PCSK4: variants seen among roughly 807,000 people sequenced by gnomAD.
The protein encoded by PCSK4 is testicular tissue protein Li 135.
Under a neutral mutation model 80.3 loss-of-function variants are expected in PCSK4, and 64 were observed. The ratio of observed to expected loss-of-function variants is 0.80; its 90% CI spans 0.65 to 0.98. The LOEUF is 0.98. PCSK4 is among the 50% of genes least tolerant of loss of function. PCSK4 has a pLI of 0.00. For missense variants in PCSK4, 1,213 were observed against 1,093.6 expected, an observed-to-expected ratio of 1.11 and a Z score of -1.54; for synonymous variants, 561 against 487.6, an observed-to-expected ratio of 1.15 and a Z score of -1.98.
intron 8 of PCSK4, 24 bp from the exon 9 acceptor site, chr19:1,484,151 T>C (rs770876738): frequency 3.0e-6 from 4 of 1,339,072 alleles, no homozygotes. Flanking sequence ...GGGGTGGGAC[T>C]CGGGGGGCCG....
chr19:1,485,850 G>A (rs1005680536), intron 8 of PCSK4, among the ~76,000 whole-genome samples: 10 of 152,108 alleles, frequency 6.6e-5, no homozygotes, highest in Non-Finnish European at 8.8e-5. Flanking sequence ...CAGCCTGGAC[G>A]ACAGAGCCAG....
chr19:1,484,040 C>A (rs763260265), exon 9 of PCSK4: 11 of 1,550,210 alleles, frequency 7.1e-6, no homozygotes, highest in Non-Finnish European at 9.6e-6. Context: ...GCCTCCAGCG[C>A]TAGGGCGATC....
At chr19:1,487,028 G>C in exon 8 of PCSK4, 1 of 1,608,098 alleles carries the variant, frequency 6.2e-7, no homozygotes, top group Non-Finnish European at 8.5e-7. Context: ...GCCGTTGCCC[G>C]AGGCCCAGAT....
chr19:1,483,844 G>T, exon 10 of PCSK4: 2 of 1,491,792 alleles, frequency 1.3e-6, no homozygotes, highest in Admixed American at 2.3e-5. Context: ...GCACCTTGGC[G>T]CCCCACGCCG....
At chr19:1,487,820 G>T in exon 5 of PCSK4, 1 of 1,573,352 alleles carries the variant, frequency 6.4e-7, no homozygotes, top group Admixed American at 1.8e-5. Flanking sequence ...GGGGCTGGGG[G>T]TCCGGGTCGT....
exon 12 of PCSK4, chr19:1,483,336 C>T: frequency 1.9e-6 from 3 of 1,610,150 alleles, no homozygotes; most frequent in Non-Finnish European, 1.7e-6. Flanking sequence ...AGCGAGATCT[C>T]CAGGTCTCCG....
exon 7 of PCSK4, chr19:1,487,228 G>A (rs1478404749): frequency 2.4e-5 from 39 of 1,606,932 alleles, no homozygotes; most frequent in Middle Eastern, 1.6e-4. Flanking sequence ...CCCAGCTGGC[G>A]CTGTAAATGT....
chr19:1,488,144 C>T (rs1364215330), intron 3 of PCSK4, 44 bp downstream of exon 3: 2 of 1,613,186 alleles, frequency 1.2e-6, no homozygotes, highest in African/African-American at 1.3e-5. Flanking sequence ...GTTGAGGGCG[C>T]CAGCGGCCCC....
rs1340318793 is a variant in PCSK4, at chr19:1,487,077, G to A, written c.856-12C>T. 1.2e-6 allele frequency: 2 copies of A among 1,602,580 alleles called. No homozygotes were observed. Among genetic ancestry groups the A allele is most frequent in the Admixed American group, 1.7e-5 (1 of 59,874 alleles). On this transcript the variant is annotated splice_polypyrimidine_tract_variant and intron_variant, in intron 7 of 14. Transcript: ENST00000300954. Reference sequence around the variant, plus strand: ...AGCCCGCCGCGGCCCTGGGAAACCAGGAGGGGCGGGGAGGGGGCGTCGGCC... The same window carrying A: ...AGCCCGCCGCGGCCCTGGGAAACCAAGAGGGGCGGGGAGGGGGCGTCGGCC...
rs769976285 is a variant in PCSK4 at position 1,482,028 on chromosome 19, A to C, written c.1999T>G (p.Cys667Gly). ...GTGGAGGATGGGGGACAGGAGGTGCAGTCCCTCGGGGAGCCGCCGCGGCAG... is the reference window on the plus strand; with the variant it reads ...GTGGAGGATGGGGGACAGGAGGTGCCGTCCCTCGGGGAGCCGCCGCGGCAG... The change falls in exon 15 of 15, where the codon TGC becomes GGC. Residue 667 changes from cysteine to glycine, a missense_variant. By Grantham distance (159) the Cys-to-Gly change is radical (BLOSUM62 -3). Coordinates refer to ENST00000300954, the Ensembl canonical transcript of PCSK4. 1.4e-5 allele frequency: 22 copies of C among 1,570,922 alleles called. 1 individual carries two copies. In the South Asian group the frequency reaches 2.5e-4, roughly 18 times the overall value.
In PCSK4 at chr19:1,482,894, A is replaced by ACCC; in HGVS notation, c.1695_1696+1dup. On this transcript the variant is annotated splice_donor_variant, in intron 13 of 14. Coordinates refer to ENST00000300954, the Ensembl canonical transcript of PCSK4. LOFTEE classifies it high-confidence loss of function. ...CCCACCACAGCCCCGCCCCGCCCTC[A>ACCC]CCCGTGTTGAAATAGTAGCCCTTGT... is the stretch of plus-strand genomic sequence containing the variant. 6.2e-7 allele frequency: 1 copy of ACCC among 1,605,252 alleles called. No individual in the cohort carries two copies. The highest frequency in any genetic ancestry group is 8.5e-7 in the Non-Finnish European group (1 of 1,175,260).
chr19:1,482,796 G>T, intron 13 of PCSK4, 100 bp downstream of exon 13: 1 of 1,305,120 alleles, frequency 7.7e-7, no homozygotes, highest in Non-Finnish European at 1.1e-6. Context: ...AGGCCACTGG[G>T]AACCCCTTTT....
At chr19:1,483,965 G>C in intron 9 of PCSK4, 24 bp from the exon 10 acceptor site, 1 of 1,429,462 alleles carries the variant, frequency 7.0e-7, no homozygotes, top group Non-Finnish European at 9.2e-7. Flanking sequence ...GGGCGGGGGC[G>C]GGTGAGCCGC....
chr19:1,482,046 C>T lies in PCSK4; in HGVS notation c.1981G>A (p.Gly661Ser), dbSNP rs753309846. The T allele has an allele frequency of 6.4e-6, 10 of 1,559,568 alleles. No homozygotes were observed. Among genetic ancestry groups the T allele is most frequent in the East Asian group, 2.4e-5 (1 of 41,758 alleles). Residue 661 changes from glycine to serine, a missense_variant, in exon 15 of 15, where the codon GGC (glycine) becomes AGC (serine). Coordinates refer to ENST00000300954, the Ensembl canonical transcript of PCSK4. ...GAGGTGCAGTCCCTCGGGGAGCCGC[C>T]GCGGCAGGTGTAGCAGGAGGCATGG...
intron 8 of PCSK4, among the ~76,000 whole-genome samples, chr19:1,484,987 A>G (rs1308229164): frequency 1.3e-5 from 2 of 151,738 alleles, no homozygotes; most frequent in Non-Finnish European, 2.9e-5. Context: ...CTCTACAGGA[A>G]AAATACAAGA....
exon 15 of PCSK4, chr19:1,481,593 C>G (rs1345776385): frequency 3.9e-6 from 2 of 507,766 alleles, no homozygotes; most frequent in African/African-American, 1.9e-5. Context: ...AGACTTCTCT[C>G]TCTCTCTCTC....
chr19:1,484,609 G>T (rs2084509006), intron 8 of PCSK4, among the ~76,000 whole-genome samples: 1 of 151,962 alleles, frequency 6.6e-6, no homozygotes, highest in African/African-American at 2.4e-5. Context: ...CCGGAGGTCA[G>T]GAGTTCGAGA....
At chr19:1,485,605 C>T (rs2084560504) in intron 8 of PCSK4, among the ~76,000 whole-genome samples, 2 of 151,860 alleles carry the variant, frequency 1.3e-5, no homozygotes, top group Non-Finnish European at 2.9e-5. Flanking sequence ...GGCACTGTGG[C>T]TCACACCTGT....
chr19:1,488,400 G>A (rs2084755411), intron 2 of PCSK4, 120 bp from the exon 3 acceptor site: 2 of 713,326 alleles, frequency 2.8e-6, no homozygotes, highest in African/African-American at 1.8e-5. Context: ...GCTCTCCAGG[G>A]TCCCCATGTG....
Sources: gnomAD v4.1 joint callset for allele counts (sites outside exome capture counted in the v4.1 genomes callset) on GRCh38, gnomAD v4.1.1 for gene constraint, MANE v1.5 for transcripts, NCBI Gene and HGNC (gene_info 2026-07-23, HGNC 2026-07-21) for gene names.